Variants in OR3A2 observed in about 807,000 individuals in gnomAD.
OR3A2 encodes olfactory receptor 3A2.
For synonymous variants in OR3A2, 126 were observed against 159.3 expected, an observed-to-expected ratio of 0.79 and a Z score of 1.57; for missense variants, 318 against 392.8, an observed-to-expected ratio of 0.81 and a Z score of 1.61.
intron 3 of OR3A2, among the ~76,000 whole-genome samples, chr17:3,298,015 T>C (rs1367959661): frequency 6.6e-6 from 1 of 152,098 alleles, no homozygotes; most frequent in Non-Finnish European, 1.5e-5. Context: ...TCAAGATAGA[T>C]GGGGTGGTTC....
intron 2 of OR3A2, among the ~76,000 whole-genome samples, chr17:3,361,676 T>C (rs1458952779): frequency 6.6e-6 from 1 of 151,810 alleles, no homozygotes; most frequent in Admixed American, 6.6e-5. Flanking sequence ...GAGATAATCA[T>C]GTGGTTTTTG....
At chr17:3,314,744 T>C (rs1426610713) in intron 3 of OR3A2, among the ~76,000 whole-genome samples, 1 of 152,236 alleles carries the variant, frequency 6.6e-6, no homozygotes, top group Non-Finnish European at 1.5e-5. Flanking sequence ...GCAGATTTGT[T>C]ACTTGGTAAT....
chr17:3,307,624 G>C (rs2049008524), intron 3 of OR3A2, among the ~76,000 whole-genome samples: 1 of 152,190 alleles, frequency 6.6e-6, no homozygotes, highest in South Asian at 2.1e-4. Context: ...GGAGGCATGA[G>C]ACTAGAAAAC....
chr17:3,319,491 G>C (rs181891567), intron 3 of OR3A2, among the ~76,000 whole-genome samples: 5 of 151,910 alleles, frequency 3.3e-5, no homozygotes, highest in African/African-American at 1.2e-4. Flanking sequence ...TCGTCATTTA[G>C]CATTAGGTAT....
upstream of OR3A2, among the ~76,000 whole-genome samples, chr17:3,288,641 G>GAT (rs777566580): frequency 2.2e-4 from 33 of 152,080 alleles, no homozygotes; most frequent in Non-Finnish European, 3.5e-4. Flanking sequence ...AATATAAAAA[G>GAT]ATATATATAT....
upstream of OR3A2, among the ~76,000 whole-genome samples, chr17:3,288,429 G>A (rs1220358540): frequency 2.6e-5 from 4 of 152,146 alleles, no homozygotes; most frequent in Admixed American, 1.3e-4. Flanking sequence ...GTGTTCAGTA[G>A]GCCATACCAC....
chr17:3,328,534 T>A (rs1354488578), intron 3 of OR3A2, among the ~76,000 whole-genome samples: 1 of 141,668 alleles, frequency 7.1e-6, no homozygotes, highest in Non-Finnish European at 1.5e-5. Flanking sequence ...CTTTTCCTAA[T>A]TGAATACCCT....
intron 3 of OR3A2, among the ~76,000 whole-genome samples, chr17:3,318,166 C>A (rs558360338): frequency 6.6e-6 from 1 of 152,220 alleles, no homozygotes; most frequent in East Asian, 1.9e-4. Context: ...CAAACAGAAT[C>A]CCCTAATTAG....
chr17:3,281,915 C>CCTGGG (rs1415670452), intron 1 of OR3A2, among the ~76,000 whole-genome samples: 2 of 152,078 alleles, frequency 1.3e-5, no homozygotes, highest in African/African-American at 4.8e-5. Context: ...ATTGGTGGTA[C>CCTGGG]CTGGGTATGG....
upstream of OR3A2, among the ~76,000 whole-genome samples, chr17:3,287,944 A>G (rs1031047585): frequency 2.0e-5 from 3 of 151,770 alleles, no homozygotes; most frequent in African/African-American, 4.8e-5. Context: ...ACATAACAAT[A>G]AGCTCTAAAT....
chr17:3,340,950 T>C (rs1400128617), intron 2 of OR3A2, among the ~76,000 whole-genome samples: 1 of 152,196 alleles, frequency 6.6e-6, no homozygotes, highest in Admixed American at 6.5e-5. Flanking sequence ...TGGGTGCTCC[T>C]GTATTGGGTG....
intron 1 of OR3A2, among the ~76,000 whole-genome samples, chr17:3,279,619 C>T (rs1412244371): frequency 6.6e-6 from 1 of 152,152 alleles, no homozygotes; most frequent in Non-Finnish European, 1.5e-5. Context: ...CATGGTGAAA[C>T]CACATCTCTA....
At chr17:3,334,100 AAAC>A (rs2049260278) in intron 3 of OR3A2, among the ~76,000 whole-genome samples, 1 of 152,204 alleles carries the variant, frequency 6.6e-6, no homozygotes, top group Admixed American at 6.5e-5. Flanking sequence ...AAAAGTCAAG[AAAC>A]AACAGATGCT....
At chr17:3,331,887 G>A (rs1335295552) in intron 3 of OR3A2, among the ~76,000 whole-genome samples, 2 of 150,798 alleles carry the variant, frequency 1.3e-5, no homozygotes, top group Non-Finnish European at 1.5e-5. Context: ...GTACAGATGG[G>A]TTTTTGGTGT....
At chr17:3,372,878 G>A (rs1286109053) in intron 2 of OR3A2, among the ~76,000 whole-genome samples, 2 of 108,970 alleles carry the variant, frequency 1.8e-5, no homozygotes, top group Non-Finnish European at 4.1e-5. Context: ...AGAGGGAGAG[G>A]GAGAGGGAGA....
chr17:3,327,485 G>C (rs1421759605), intron 3 of OR3A2, among the ~76,000 whole-genome samples: 1 of 116,958 alleles, frequency 8.6e-6, no homozygotes, highest in East Asian at 2.7e-4. Context: ...GGTTGCAAAA[G>C]TTTTCTCCCA....
At chr17:3,375,236 TTTTTTTTTTCC>T (rs2049672789) in intron 2 of OR3A2, among the ~76,000 whole-genome samples, 1 of 72,464 alleles carries the variant, frequency 1.4e-5, no homozygotes, top group African/African-American at 8.9e-5. Flanking sequence ...TTTTCTTTTT[TTTTTTTTTTCC>T]CCCCCTTTTT....
At chr17:3,379,935 AGAG>A (rs1344470448) in intron 2 of OR3A2, among the ~76,000 whole-genome samples, 1 of 152,100 alleles carries the variant, frequency 6.6e-6, no homozygotes, top group Non-Finnish European at 1.5e-5. Flanking sequence ...CTAGCACAAG[AGAG>A]GAGGGGAGGC....
intron 2 of OR3A2, among the ~76,000 whole-genome samples, chr17:3,353,924 T>G (rs1469685494): frequency 6.6e-6 from 1 of 150,520 alleles, no homozygotes; most frequent in Non-Finnish European, 1.5e-5. Context: ...TTTTTTTTTG[T>G]ACCCATTAAC....
Sources: allele counts gnomAD v4.1 joint callset (sites outside exome capture counted in the v4.1 genomes callset), GRCh38; gene constraint gnomAD v4.1.1; transcripts MANE v1.5; gene names NCBI Gene and HGNC (gene_info 2026-07-23, HGNC 2026-07-21).